The following TAFA1 variants were observed in gnomAD, a reference collection of about 807,000 sequenced individuals.
The protein encoded by TAFA1 is chemokine-like protein TAFA-1.
Under a neutral mutation model 18.5 loss-of-function variants are expected in TAFA1, and 4 were observed. The observed-to-expected ratio is 0.22, with a 90% CI of 0.11 to 0.49. The LOEUF (loss-of-function observed/expected upper bound fraction) is 0.49. TAFA1 is among the 20% of genes least tolerant of loss of function. The pLI, the probability that TAFA1 is intolerant of heterozygous loss-of-function variation, is 0.98. For synonymous variants in TAFA1, 56 were observed against 55.2 expected (o/e 1.01, Z -0.06); for missense variants, 147 against 169.0 (o/e 0.87, Z 0.72).
chr3:68,105,077 G>A (rs2065189091), intron 2 of TAFA1, among the ~76,000 whole-genome samples: 1 of 151,966 alleles, frequency 6.6e-6, no homozygotes, highest in Non-Finnish European at 1.5e-5. Flanking sequence ...GAGAGAGCAA[G>A]GAGGTGCCAC....
chr3:68,139,064 T>C (rs1188431640), intron 2 of TAFA1, among the ~76,000 whole-genome samples: 13 of 152,196 alleles, frequency 8.5e-5, no homozygotes, highest in Admixed American at 7.2e-4. Context: ...TCCTATATTT[T>C]AGATGTGCAT....
intron 2 of TAFA1, among the ~76,000 whole-genome samples, chr3:68,128,788 C>G (rs942834092): frequency 6.6e-5 from 10 of 152,124 alleles, no homozygotes; most frequent in Admixed American, 3.9e-4. Context: ...TACTCAGGCT[C>G]AGCGAGTTAA....
intron 2 of TAFA1, among the ~76,000 whole-genome samples, chr3:68,176,069 C>T (rs2066121068): frequency 6.6e-6 from 1 of 152,196 alleles, no homozygotes; most frequent in Admixed American, 6.5e-5. Flanking sequence ...TTCCCTTCTG[C>T]CATGATTGTG....
chr3:68,359,415 G>T (rs891791272), intron 2 of TAFA1, among the ~76,000 whole-genome samples: 1 of 151,936 alleles, frequency 6.6e-6, no homozygotes, highest in Non-Finnish European at 1.5e-5. Flanking sequence ...TTTAAAATAA[G>T]GAGATTATCC....
chr3:68,498,491 T>C (rs571948299), intron 3 of TAFA1, among the ~76,000 whole-genome samples: 1 of 152,278 alleles, frequency 6.6e-6, no homozygotes, highest in East Asian at 1.9e-4. Context: ...TGTTGCTAAG[T>C]GGGTCTGAGT....
chr3:68,205,762 G>A (rs1434156344), intron 2 of TAFA1, among the ~76,000 whole-genome samples: 5 of 151,706 alleles, frequency 3.3e-5, no homozygotes, highest in Non-Finnish European at 7.4e-5. Flanking sequence ...ATGGAAGAAG[G>A]AAAAAGAACA....
At chr3:68,544,433 T>G in intron 4 of TAFA1, 53 bp from the exon 5 acceptor site, 1 of 1,580,830 alleles carries the variant, frequency 6.3e-7, no homozygotes, top group Non-Finnish European at 8.7e-7. Flanking sequence ...CATTTCTTTG[T>G]GCCTTCAGTT....
At chr3:68,117,565 A>G (rs1575625589) in intron 2 of TAFA1, among the ~76,000 whole-genome samples, 1 of 152,202 alleles carries the variant, frequency 6.6e-6, no homozygotes, top group Non-Finnish European at 1.5e-5. Context: ...TTAACTCTCT[A>G]TATAACCTTG....
intron 2 of TAFA1, among the ~76,000 whole-genome samples, chr3:68,173,955 A>C (rs954386727): frequency 2.0e-5 from 3 of 152,234 alleles, no homozygotes; most frequent in Non-Finnish European, 4.4e-5. Flanking sequence ...TGGGACATGA[A>C]TCTATCACCC....
At chr3:68,457,580 CAT>C (rs202209043) in intron 3 of TAFA1, among the ~76,000 whole-genome samples, 3,299 of 152,268 alleles carry the variant, frequency 0.022, 61 homozygotes, top group Middle Eastern at 0.044. Flanking sequence ...TTTTGAAAAA[CAT>C]AAACATTGTG....
chr3:68,335,269 G>C (rs2068951985), intron 2 of TAFA1, among the ~76,000 whole-genome samples: 1 of 152,164 alleles, frequency 6.6e-6, no homozygotes, highest in Admixed American at 6.5e-5. Context: ...TTAGTAAATG[G>C]AGAGTCAGAG....
At chr3:68,119,260 G>A (rs1031640479) in intron 2 of TAFA1, among the ~76,000 whole-genome samples, 10 of 152,110 alleles carry the variant, frequency 6.6e-5, no homozygotes, top group Admixed American at 2.0e-4. Flanking sequence ...AACAGTAGGA[G>A]TATTTTATAT....
At chr3:68,086,938 G>A (rs890076760) in intron 2 of TAFA1, among the ~76,000 whole-genome samples, 3 of 152,058 alleles carry the variant, frequency 2.0e-5, no homozygotes, top group South Asian at 2.1e-4. Flanking sequence ...TTGCAACATC[G>A]TTTTTTCAAA....
At chr3:68,136,545 T>G (rs2065610256) in intron 2 of TAFA1, among the ~76,000 whole-genome samples, 2 of 152,132 alleles carry the variant, frequency 1.3e-5, no homozygotes, top group Admixed American at 1.3e-4. Context: ...GTGACTGTTC[T>G]TTACCTGGAA....
the TAFA1 span, among the ~76,000 whole-genome samples, chr3:67,992,057 C>G: frequency 6.6e-6 from 1 of 152,148 alleles, no homozygotes; most frequent in East Asian, 1.9e-4. Context: ...TTTGTTTTGA[C>G]TAATGAAATG....
At chr3:68,399,007 T>G (rs1295767202) in intron 2 of TAFA1, among the ~76,000 whole-genome samples, 1 of 152,202 alleles carries the variant, frequency 6.6e-6, no homozygotes, top group African/African-American at 2.4e-5. Context: ...TGCTTCTACA[T>G]TGATCAAATG....
intron 2 of TAFA1, among the ~76,000 whole-genome samples, chr3:68,040,741 C>T (rs1705145882): frequency 6.6e-6 from 1 of 152,144 alleles, no homozygotes; most frequent in South Asian, 2.1e-4. Context: ...AAGTGAGACC[C>T]AGCAATCTGT....
At chr3:68,500,932 G>C (rs768467633) in intron 3 of TAFA1, among the ~76,000 whole-genome samples, 1 of 151,946 alleles carries the variant, frequency 6.6e-6, no homozygotes, top group African/African-American at 2.4e-5. Context: ...TTGGGAGCCT[G>C]AGGTGAGTAA....
At chr3:68,310,193 C>T (rs188784689) in intron 2 of TAFA1, among the ~76,000 whole-genome samples, 28 of 152,084 alleles carry the variant, frequency 1.8e-4, no homozygotes, top group Admixed American at 6.5e-4. Flanking sequence ...AATTATGATA[C>T]TTTAAAAGCT....
Sources: allele counts gnomAD v4.1 joint callset (sites outside exome capture counted in the v4.1 genomes callset), GRCh38; gene constraint gnomAD v4.1.1; transcripts MANE v1.5; gene names NCBI Gene and HGNC (gene_info 2026-07-23, HGNC 2026-07-21).